ERI3: variants seen among roughly 807,000 people sequenced by gnomAD.
ERI3 encodes ERI1 exoribonuclease 3.
ERI3 carries 18 observed loss-of-function variants against 44.4 expected under a neutral mutation model. The observed-to-expected ratio is 0.41, with a 90% CI of 0.28 to 0.60. The LOEUF is 0.60. ERI3 is among the 20% of genes least tolerant of loss of function. The pLI is 0.36. For missense variants in ERI3, 294 were observed against 435.5 expected (o/e 0.68, Z 2.89); for synonymous variants, 183 against 164.8 (o/e 1.11, Z -0.84).
intron 8 of ERI3, among the ~76,000 whole-genome samples, chr1:44,232,763 G>A (rs567383066): frequency 2.4e-4 from 37 of 152,232 alleles, no homozygotes; most frequent in African/African-American, 7.9e-4. Context: ...TTGTTTCACC[G>A]GCCAGAGCTC....
chr1:44,253,916 C>T (rs1482714908), intron 7 of ERI3, among the ~76,000 whole-genome samples: 5 of 152,190 alleles, frequency 3.3e-5, no homozygotes. Flanking sequence ...CATTACCTAT[C>T]CCCTCCTGAA....
chr1:44,244,971 A>AT (rs1365780415), intron 8 of ERI3, among the ~76,000 whole-genome samples: 2 of 151,094 alleles, frequency 1.3e-5, no homozygotes, highest in Non-Finnish European at 3.0e-5. Flanking sequence ...ATGCTGCCTT[A>AT]CCCCCCCAGC....
intron 8 of ERI3, among the ~76,000 whole-genome samples, chr1:44,236,342 CA>C (rs2154316754): frequency 6.6e-6 from 1 of 152,326 alleles, no homozygotes; most frequent in African/African-American, 2.4e-5. Context: ...AGGGAACTTA[CA>C]ATCTAGTGAG....
chr1:44,323,122 G>C (rs141632449), intron 3 of ERI3: 4 of 391,514 alleles, frequency 1.0e-5, no homozygotes, highest in Admixed American at 4.6e-5. Flanking sequence ...AGGACCAGTC[G>C]TATTTACCAG....
At chr1:44,335,473 A>C (rs750904318) in intron 3 of ERI3, among the ~76,000 whole-genome samples, 6 of 152,128 alleles carry the variant, frequency 3.9e-5, no homozygotes, top group Non-Finnish European at 8.8e-5. Context: ...ACTCATAAAG[A>C]ATCAGGCCGG....
intron 3 of ERI3, among the ~76,000 whole-genome samples, chr1:44,335,520 G>C (rs1646516399): frequency 6.6e-6 from 1 of 152,102 alleles, no homozygotes; most frequent in Non-Finnish European, 1.5e-5. Context: ...AGAACTTTGG[G>C]AGGCTGAGGC....
chr1:44,311,380 C>T (rs950333247), intron 5 of ERI3, among the ~76,000 whole-genome samples: 1 of 151,982 alleles, frequency 6.6e-6, no homozygotes, highest in African/African-American at 2.4e-5. Flanking sequence ...GGCCTTGGTT[C>T]GGACAAGAAA....
rs574039183 is a variant in ERI3 at position 44,237,076 on chromosome 1, C to T, written c.931+10863G>A. Among the ~76,000 whole-genome samples, 16 of 152,206 alleles carry T rather than the reference C, an allele frequency of 1.1e-4. No homozygotes were observed. In the South Asian group the frequency reaches 3.3e-3, roughly 32 times the overall value. On this transcript the variant is annotated intron_variant, in intron 8 of 8. Transcript: ENST00000372257. ...AGGGGACTCAGGGGAGCGCCTGGCCCGGGGACTTGTGAGAAGACCTGCGTG... is the reference window on the plus strand; with the variant it reads ...AGGGGACTCAGGGGAGCGCCTGGCCTGGGGACTTGTGAGAAGACCTGCGTG...
At chr1:44,244,333 G>A (rs1263743592) in intron 8 of ERI3, 3 of 153,062 alleles carry the variant, frequency 2.0e-5, no homozygotes, top group Non-Finnish European at 4.4e-5. Flanking sequence ...TGACTATGAT[G>A]TCACGCTGAC....
chr1:44,321,220 T>G (rs555501872), intron 3 of ERI3, among the ~76,000 whole-genome samples: 3 of 152,174 alleles, frequency 2.0e-5, no homozygotes, highest in South Asian at 4.2e-4. Flanking sequence ...GAAAACCAAA[T>G]CAAGTCAGTC....
At chr1:44,237,338 G>A (rs1644328939) in intron 8 of ERI3, among the ~76,000 whole-genome samples, 1 of 152,158 alleles carries the variant, frequency 6.6e-6, no homozygotes, top group African/African-American at 2.4e-5. Context: ...ACACAGGGAA[G>A]GCTCCATCAT....
At chr1:44,260,509 C>T (rs145119558) in intron 7 of ERI3, among the ~76,000 whole-genome samples, 64 of 152,244 alleles carry the variant, frequency 4.2e-4, no homozygotes, top group African/African-American at 1.5e-3. Context: ...GTTGAAAGGA[C>T]GTGATCAGAG....
chr1:44,231,542 TTG>T (rs971626100), intron 8 of ERI3, among the ~76,000 whole-genome samples: 1 of 152,124 alleles, frequency 6.6e-6, no homozygotes, highest in Non-Finnish European at 1.5e-5. Flanking sequence ...TGGCTTTTTT[TTG>T]TGTGTGTACA....
intron 8 of ERI3, among the ~76,000 whole-genome samples, chr1:44,225,757 G>A (rs951698697): frequency 2.0e-5 from 3 of 152,178 alleles, no homozygotes; most frequent in African/African-American, 4.8e-5. Context: ...CTCCATTAGC[G>A]GTACTTACCT....
chr1:44,232,700 A>G (rs1029295388), intron 8 of ERI3, among the ~76,000 whole-genome samples: 5 of 152,188 alleles, frequency 3.3e-5, no homozygotes, highest in African/African-American at 1.2e-4. Context: ...TTCCCAGATG[A>G]GCTGTTTCCC....
rs978815348 is a variant in ERI3, at chr1:44,224,399, C to T, written c.932-2759G>A. Among the ~76,000 whole-genome samples, 7 of 152,358 alleles carry T rather than the reference C, an allele frequency of 4.6e-5. No homozygotes were observed. In the East Asian group the frequency reaches 9.6e-4, roughly 21 times the overall value. ...GACTCCAATCTCAAGGACCCACTCA[C>T]TGTTTTCTGAAAATGACAAAGTGGG... On this transcript the variant is annotated intron_variant, in intron 8 of 8. Coordinates refer to ENST00000372257, the MANE Select transcript of ERI3 (RefSeq NM_024066.3).
chr1:44,342,832 T>C (rs1333113295), intron 2 of ERI3, among the ~76,000 whole-genome samples: 10 of 24,240 alleles, frequency 4.1e-4, no homozygotes, highest in African/African-American at 5.8e-4. Flanking sequence ...TATATATATA[T>C]ATATATATAT....
chr1:44,237,882 T>C (rs1017295840), intron 8 of ERI3, among the ~76,000 whole-genome samples: 2 of 152,064 alleles, frequency 1.3e-5, no homozygotes, highest in Non-Finnish European at 2.9e-5. Context: ...CCCACCCACG[T>C]GCCTGGCCTT....
intron 7 of ERI3, among the ~76,000 whole-genome samples, chr1:44,272,085 G>A (rs1256961670): frequency 3.3e-5 from 5 of 152,140 alleles, no homozygotes; most frequent in African/African-American, 1.2e-4. Context: ...CCAGTACCAG[G>A]GACAAGCGAA....
Sources: gnomAD v4.1 joint callset for allele counts (sites outside exome capture counted in the v4.1 genomes callset) on GRCh38, gnomAD v4.1.1 for gene constraint, MANE v1.5 for transcripts, NCBI Gene and HGNC (gene_info 2026-07-23, HGNC 2026-07-21) for gene names.